The following CLBA1 variants were observed in gnomAD, a reference collection of about 807,000 sequenced individuals.
The protein encoded by CLBA1 is clathrin binding box of aftiphilin containing 1.
CLBA1 carries 30 observed loss-of-function variants against 28.8 expected under a neutral mutation model. The observed-to-expected ratio is 1.04, with a 90% CI of 0.78 to 1.41. The LOEUF (loss-of-function observed/expected upper bound fraction) is 1.41, where lower values mean the gene tolerates loss of function less well. Among genes scored for constraint, CLBA1 ranks in the 40% most tolerant of loss-of-function variants. The probability of loss-of-function intolerance (pLI) is 0.00; values close to 1 mark genes in which losing one functional copy is unlikely to be tolerated. For missense variants in CLBA1, 451 were observed against 412.3 expected, an observed-to-expected ratio of 1.09 and a Z score of -0.81; for synonymous variants, 160 against 152.8, an observed-to-expected ratio of 1.05 and a Z score of -0.35.
intron 3 of CLBA1, 100 bp downstream of exon 3, chr14:104,991,720 G>C (rs558801939): frequency 6.9e-7 from 1 of 1,440,088 alleles, no homozygotes; most frequent in Non-Finnish European, 9.3e-7. Context: ...GCAGGCAGAG[G>C]TGTGGGTTCA....
At chr14:104,995,636 CAG>C (rs1491530089), downstream of CLBA1, 4 of 335,918 alleles carry the variant, frequency 1.2e-5, no homozygotes, top group African/African-American at 2.2e-5. Context: ...CAAGGCCACA[CAG>C]GGGACCATAG....
Position 104,989,669 on chromosome 14 carries a change from G to A in CLBA1, c.569+581G>A, listed in dbSNP as rs112197784. ...AACTGAGCATTGAAAGACAGACAGC[G>A]CTCGAGTGGATTAGGCCGCAGTGGT... On this transcript the variant is annotated intron_variant, in intron 2 of 4. Coordinates refer to ENST00000547315, the MANE Select transcript of CLBA1 (RefSeq NM_174891.4). The A allele has an allele frequency of 7.0e-3, 3,188 of 456,148 alleles. 10 individuals are homozygous for A. Among genetic ancestry groups the A allele is most frequent in the Non-Finnish European group, 9.5e-3 (2,145 of 226,794 alleles). 28.3% of individuals were successfully genotyped at this position (456,148 alleles called of 1,614,324 possible).
At position 104,986,322 on chromosome 14, in the gene CLBA1, G is replaced by C. The variant is rs911105149; in HGVS notation, c.-110G>C. 6 of 1,177,756 alleles carry C rather than the reference G, an allele frequency of 5.1e-6. No individual in the cohort carries two copies. The Admixed American group carries it at 1.5e-4, about 29-fold the overall frequency. The allele number at this position is 1,177,756 out of a possible 1,614,324, so 73.0% of individuals were successfully genotyped here. ...CGGGGCACTCCTGCAGCGTCCCCTG[G>C]CCCTCTCCAGGGCAGGGGAAGGTTG... On this transcript the variant is annotated 5_prime_UTR_variant, in exon 1 of 5. Transcript: ENST00000547315.
chr14:104,988,088 A>G (rs1899917707), intron 1 of CLBA1, among the ~76,000 whole-genome samples: 1 of 46,290 alleles, frequency 2.2e-5, no homozygotes, highest in Admixed American at 3.0e-4. Flanking sequence ...GAAATTTCAC[A>G]AGAAAGAGTA....
Position 104,986,587 on chromosome 14 carries a change from C to T in CLBA1, c.156C>T (p.Ala52=), listed in dbSNP as rs757737696. The stretch of plus-strand genomic sequence containing the variant: ...ACCTTCTCCTGTCCGATGGGAAAGC[C>T]AGCATCTCCATGCCCCGTGAGGGCG... ...CPDLLLSDGK[A]SISMPREGGS... is the part of the protein sequence containing the mutation. The change falls in exon 1 of 5, where the codon GCC becomes GCT. Residue 52 remains alanine (A), a synonymous_variant. Transcript: ENST00000547315. 3.1e-6 allele frequency: 5 copies of T among 1,614,116 alleles called. No homozygotes were observed. The highest frequency in any genetic ancestry group is 4.2e-6 in the Non-Finnish European group (5 of 1,180,040).
In CLBA1 at chr14:104,994,847, G is replaced by C. The variant is rs1386801918; in HGVS notation, c.*88G>C. ...GGAAACCAGAGCTGTCTGTGGAGCT[G>C]TTTTCCAGACCCCAGGCCCATTCCT... On this transcript the variant is annotated 3_prime_UTR_variant, in exon 5 of 5. Transcript: ENST00000547315. 7 of 1,513,614 alleles carry C rather than the reference G, an allele frequency of 4.6e-6. No individual in the cohort carries two copies. Among genetic ancestry groups the C allele is most frequent in the Non-Finnish European group, 6.2e-6 (7 of 1,135,714 alleles). 93.8% of individuals were successfully genotyped at this position (1,513,614 alleles called of 1,614,324 possible). A position where few individuals can be genotyped will look rare whatever the true frequency, so the allele number is the denominator to read the frequency against.
chr14:104,985,884 T>TGCGGGGCCCGGGCCCGGGCCCAGGCCAC lies in CLBA1; in HGVS notation c.-542_-541insCCCGGGCCCGGGCCCAGGCCACGCGGGG. ...CCGCCGAGGCGGCGACCAAGGTGGG[T>TGCGGGGCCCGGGCCCGGGCCCAGGCCAC]GCGGGGACTCTCGGGAGCCGTGGGC... On this transcript the variant is annotated 5_prime_UTR_variant, in exon 1 of 5. Transcript: ENST00000547315. 4.5e-6 allele frequency: 1 copy of TGCGGGGCCCGGGCCCGGGCCCAGGCCAC among 223,078 alleles called. No individual in the cohort carries two copies. The highest frequency in any genetic ancestry group is 9.5e-6 in the Non-Finnish European group (1 of 105,458). 13.8% of individuals were successfully genotyped at this position (223,078 alleles called of 1,614,324 possible).
chr14:104,986,281 C>A lies in CLBA1; in HGVS notation c.-151C>A. 1.3e-6 allele frequency: 1 copy of A among 755,068 alleles called. No individual in the cohort carries two copies. The highest frequency in any genetic ancestry group is 2.1e-6 in the Non-Finnish European group (1 of 478,016). 46.8% of individuals were successfully genotyped at this position (755,068 alleles called of 1,614,324 possible). A position where few individuals can be genotyped will look rare whatever the true frequency, so the allele number is the denominator to read the frequency against. On this transcript the variant is annotated 5_prime_UTR_variant, in exon 1 of 5. Transcript: ENST00000547315. The stretch of plus-strand genomic sequence containing the variant: ...GCAGCACGTGGGCACTTTCCACCGT[C>A]AGCCACTGGGCAGCCCGGGGCACTC...
Position 104,993,949 on chromosome 14 carries a change from C to T in CLBA1, c.817-649C>T, listed in dbSNP as rs1033694735. ...CAGGAAGGTTGCATAGCACAGGAGG[C>T]AGCCAGGGTCAGCTTCTGGGCAAGA... is the stretch of plus-strand genomic sequence containing the variant. On this transcript the variant is annotated intron_variant, in intron 4 of 4. Transcript: ENST00000547315. The T allele has an allele frequency of 6.1e-6, 6 of 985,076 alleles. No individual in the cohort carries two copies. The African/African-American group carries it at 1.0e-4, about 17-fold the overall frequency. The allele number at this position is 985,076 out of a possible 1,614,324, so 61.0% of individuals were successfully genotyped here. A position where few individuals can be genotyped will look rare whatever the true frequency, so the allele number is the denominator to read the frequency against.
At chr14:104,987,839 G>C (rs1167960886) in intron 1 of CLBA1, among the ~76,000 whole-genome samples, 1 of 150,886 alleles carries the variant, frequency 6.6e-6, no homozygotes, top group African/African-American at 2.4e-5. Flanking sequence ...GTTTTACCAT[G>C]TTTGCCAGGC....
chr14:104,995,440 T>C lies in CLBA1; in HGVS notation c.*681T>C, dbSNP rs1476569981. The C allele has an allele frequency of 1.0e-6, 1 of 985,214 alleles. No homozygotes were observed. The highest frequency in any genetic ancestry group is 1.1e-4 in the East Asian group (1 of 8,818). 61.0% of individuals were successfully genotyped at this position (985,214 alleles called of 1,614,324 possible). ...CCCCCAGTTATCTGCTAAGGAAAAC[T>C]GTGCTCTTCGAAGGGCAGAGCCAAG... On this transcript the variant is annotated 3_prime_UTR_variant, in exon 5 of 5. Coordinates refer to ENST00000547315, the MANE Select transcript of CLBA1 (RefSeq NM_174891.4).
chr14:104,987,789 T>TTATATATATA (rs5811162), intron 1 of CLBA1, among the ~76,000 whole-genome samples: 1 of 144,880 alleles, frequency 6.9e-6, no homozygotes, highest in Admixed American at 6.9e-5. Flanking sequence ...GGCTAACTTT[T>TTATATATATA]TATATATATA....
chr14:104,992,961 G>A lies in CLBA1; in HGVS notation c.713G>A (p.Gly238Asp), dbSNP rs1259807220. Residue 238 changes from glycine (G) to aspartate (D), a missense_variant, in exon 4 of 5, where the codon GGC becomes GAC. Gly to Asp is a moderately conservative substitution (Grantham distance 94). Transcript: ENST00000547315. ...CTGTCTCCTTAGAACCTTTCTGGAG[G>A]CCAGGGCCACATCATGGAAGATTGT... is the stretch of plus-strand genomic sequence containing the variant. ...IDAAQKNLSG[G>D]QGHIMEDCDL... 6 of 1,613,906 alleles carry A rather than the reference G, an allele frequency of 3.7e-6. No individual in the cohort carries two copies. Among genetic ancestry groups the A allele is most frequent in the Middle Eastern group, 1.6e-4 (1 of 6,062 alleles).
intron 2 of CLBA1, chr14:104,990,205 G>A (rs1477178843): frequency 1.2e-5 from 2 of 163,328 alleles, no homozygotes; most frequent in African/African-American, 4.8e-5. Context: ...GTCAGGACTT[G>A]GCGGGGCTGG....
chr14:104,996,896 T>G (rs1900166233), downstream of CLBA1, among the ~76,000 whole-genome samples: 1 of 152,252 alleles, frequency 6.6e-6, no homozygotes, highest in African/African-American at 2.4e-5. Context: ...GTTCCCACTC[T>G]GGCAACCTCA....
At chr14:104,994,028 T>C (rs987596862) in intron 4 of CLBA1, 60 of 984,684 alleles carry the variant, frequency 6.1e-5, no homozygotes, top group Non-Finnish European at 6.9e-5. Context: ...GTTCCCTGGA[T>C]GATCAGCACA....
Position 104,986,662 on chromosome 14 carries a change from T to C in CLBA1, c.231T>C (p.Thr77=), listed in dbSNP as rs1440971107. The C allele has an allele frequency of 1.9e-6, 3 of 1,613,882 alleles. No homozygotes were observed. Among genetic ancestry groups the C allele is most frequent in the African/African-American group, 1.3e-5 (1 of 74,884 alleles). Residue 77 remains threonine, a synonymous_variant, in exon 1 of 5, where the codon ACT becomes ACC. Transcript: ENST00000547315. ...RCPDPGEHSS[T]WGEFEGFRES... is the part of the protein sequence containing the mutation. Reference sequence around the variant, plus strand: ...CTGACCCTGGGGAACACAGCAGCACTTGGGGGGAGTTTGAAGGCTTTCGGG... The same window carrying C: ...CTGACCCTGGGGAACACAGCAGCACCTGGGGGGAGTTTGAAGGCTTTCGGG...
chr14:104,992,878 C>A (rs1595444882), intron 3 of CLBA1, 70 bp from the exon 4 acceptor site: 3 of 1,242,866 alleles, frequency 2.4e-6, no homozygotes, highest in East Asian at 2.3e-5. Flanking sequence ...AGTAGAGGGG[C>A]TCAGGGGAAA....
At chr14:104,987,606 CTTTTTTTTTTTTTTTTT>C (rs869117577) in intron 1 of CLBA1, among the ~76,000 whole-genome samples, 4 of 59,984 alleles carry the variant, frequency 6.7e-5, no homozygotes, top group Non-Finnish European at 8.8e-5. Context: ...TCTTCCTTTT[CTTTTTTTTTTTTTTTTT>C]TTTTTTTTTT....
Sources: allele counts gnomAD v4.1 joint callset (sites outside exome capture counted in the v4.1 genomes callset), GRCh38; gene constraint gnomAD v4.1.1; transcripts MANE v1.5; gene names NCBI Gene and HGNC (gene_info 2026-07-23, HGNC 2026-07-21).